Variants in RELN observed in about 807,000 individuals in gnomAD.
The protein encoded by RELN is reelin.
Under a neutral mutation model 427.6 loss-of-function variants are expected in RELN, and 108 were observed. The ratio of observed to expected loss-of-function variants is 0.25; its 90% CI spans 0.22 to 0.30. The LOEUF (loss-of-function observed/expected upper bound fraction) is 0.30, where lower values mean the gene tolerates loss of function less well. Ranked by LOEUF, RELN falls within the 10% of genes least tolerant of loss-of-function variation. The probability of loss-of-function intolerance (pLI) is 1.00; values close to 1 mark genes in which losing one functional copy is unlikely to be tolerated. For synonymous variants in RELN, 1,524 were observed against 1,513.4 expected, an observed-to-expected ratio of 1.01 and a Z score of -0.16; for missense variants, 3,715 against 4,302.8, an observed-to-expected ratio of 0.86 and a Z score of 3.82.
At chr7:103,656,339 G>C (rs1308232164) in intron 12 of RELN, among the ~76,000 whole-genome samples, 2 of 152,072 alleles carry the variant, frequency 1.3e-5, no homozygotes, top group African/African-American at 4.8e-5. Context: ...AGCAACCCAG[G>C]AAGTTGGCTT....
chr7:103,828,408 T>C (rs2382698), intron 3 of RELN, among the ~76,000 whole-genome samples: 57,941 of 151,564 alleles, frequency 0.38, 11,372 homozygotes, highest in Non-Finnish European at 0.42. Flanking sequence ...GAGTGATCCT[T>C]CTTGCTGACC....
At chr7:103,759,975 G>C (rs1032688969) in intron 4 of RELN, among the ~76,000 whole-genome samples, 3 of 138,480 alleles carry the variant, frequency 2.2e-5, no homozygotes, top group Non-Finnish European at 4.6e-5. Flanking sequence ...TCGGTCATTG[G>C]TGCTCACAGT....
intron 8 of RELN, among the ~76,000 whole-genome samples, chr7:103,718,350 A>AAAAAACAAAAAAAAAAAAAAAAAAG (rs1562969981): frequency 6.8e-6 from 1 of 146,918 alleles, no homozygotes. Flanking sequence ...AAAAAAAAAA[A>AAAAAACAAAAAAAAAAAAAAAAAAG]TTAAACACAC....
rs149229843 is a variant in RELN, at chr7:103,618,343, A to G, written c.2703-6540T>C. On this transcript the variant is annotated intron_variant, in intron 20 of 64. Transcript: ENST00000428762. Reference sequence around the variant, plus strand: ...ACCCTCCCATGGGCTTCTCCCTCTGATAGCACCACCTGTTACTCGTCTCTA... The same window carrying G: ...ACCCTCCCATGGGCTTCTCCCTCTGGTAGCACCACCTGTTACTCGTCTCTA... 6.9e-3 allele frequency among the ~76,000 whole-genome samples: 1,049 copies of G among 152,306 alleles called. 9 individuals are homozygous for G. The highest frequency in any genetic ancestry group is 0.023 in the African/African-American group (969 of 41,572).
At chr7:103,777,916 AT>A (rs1791787219) in intron 3 of RELN, among the ~76,000 whole-genome samples, 1 of 45,292 alleles carries the variant, frequency 2.2e-5, no homozygotes. Flanking sequence ...CACACACACA[AT>A]GGCACAATAG....
Position 103,749,421 on chromosome 7 carries a change from C to G in RELN, c.656+5G>C. 1 of 1,609,160 alleles carries G rather than the reference C, an allele frequency of 6.2e-7. No homozygotes were observed. Among genetic ancestry groups the G allele is most frequent in the Non-Finnish European group, 8.5e-7 (1 of 1,175,638 alleles). Reference sequence around the variant, plus strand: ...ACCAAAGTGAGGAATGTTCCTGTAACTTACCATATATTTGGATTTAATTGC... The same window carrying G: ...ACCAAAGTGAGGAATGTTCCTGTAAGTTACCATATATTTGGATTTAATTGC... On this transcript the variant is annotated splice_donor_5th_base_variant and intron_variant, in intron 6 of 64. Transcript: ENST00000428762.
chr7:103,913,406 G>A (rs1460815138), intron 2 of RELN, among the ~76,000 whole-genome samples: 1 of 152,072 alleles, frequency 6.6e-6, no homozygotes, highest in Non-Finnish European at 1.5e-5. Context: ...GTGATATGTT[G>A]GGGAAATGCC....
At chr7:103,474,401 C>T (rs1298668862) in intron 64 of RELN, among the ~76,000 whole-genome samples, 19 of 151,942 alleles carry the variant, frequency 1.3e-4, no homozygotes, top group Admixed American at 1.2e-3. Flanking sequence ...AAGAATATAT[C>T]CTGAAGACAT....
chr7:103,741,084 A>G (rs1409731645), intron 6 of RELN, among the ~76,000 whole-genome samples: 1 of 152,212 alleles, frequency 6.6e-6, no homozygotes, highest in East Asian at 1.9e-4. Context: ...TCTGGGGTAA[A>G]GAGAATCAAA....
At chr7:103,758,498 C>T (rs1307963239) in intron 4 of RELN, among the ~76,000 whole-genome samples, 1 of 151,602 alleles carries the variant, frequency 6.6e-6, no homozygotes, top group African/African-American at 2.4e-5. Flanking sequence ...AGAATGAAAG[C>T]CTAGCCTACT....
chr7:103,531,166 C>T (rs1295808964), intron 46 of RELN, among the ~76,000 whole-genome samples: 1 of 152,162 alleles, frequency 6.6e-6, no homozygotes, highest in African/African-American at 2.4e-5. Context: ...CTTCCATGCA[C>T]ATTTATGAGA....
In RELN at chr7:103,801,384, T is replaced by C. The variant is rs561380014; in HGVS notation, c.474-24757A>G. Among the ~76,000 whole-genome samples, 30 of 152,306 alleles carry C rather than the reference T, an allele frequency of 2.0e-4. 1 individual carries two copies. The highest frequency in any genetic ancestry group is 1.2e-3 in the Admixed American group (19 of 15,286). Reference sequence around the variant, plus strand: ...AAGAAAATGTGGCACATATACACCATGGAATACTATGCAGACATAAAAAGG... The same window carrying C: ...AAGAAAATGTGGCACATATACACCACGGAATACTATGCAGACATAAAAAGG... On this transcript the variant is annotated intron_variant, in intron 3 of 64. Transcript: ENST00000428762.
At chr7:103,762,116 G>A (rs11974819) in intron 4 of RELN, among the ~76,000 whole-genome samples, 26,458 of 152,108 alleles carry the variant, frequency 0.17, 2,484 homozygotes, top group East Asian at 0.31. Context: ...CTGCCCATAT[G>A]AGGTGAGCAG....
intron 2 of RELN, among the ~76,000 whole-genome samples, chr7:103,888,750 C>A (rs1794779582): frequency 6.6e-6 from 1 of 152,106 alleles, no homozygotes; most frequent in Admixed American, 6.5e-5. Flanking sequence ...AGGCCTGCAC[C>A]AAAGCAGAAG....
rs114884213 is a variant in RELN at position 103,718,483 on chromosome 7, A to C, written c.805+4657T>G. Among the ~76,000 whole-genome samples, 1,464 of 152,292 alleles carry C rather than the reference A, an allele frequency of 9.6e-3. 26 individuals carry two copies. The highest frequency in any genetic ancestry group is 0.033 in the African/African-American group (1,381 of 41,544). On this transcript the variant is annotated intron_variant, in intron 8 of 64. Coordinates refer to ENST00000428762, the MANE Select transcript of RELN (RefSeq NM_005045.4). ...TTAGCTCAGTAATTACGTACTGATA[A>C]ACACTTGCATATGTATTTCTGTCTA...
chr7:103,777,710 CCCTT>C (rs1791780112), intron 3 of RELN, among the ~76,000 whole-genome samples: 1 of 152,144 alleles, frequency 6.6e-6, no homozygotes, highest in South Asian at 2.1e-4. Flanking sequence ...CCTTTCCCCT[CCCTT>C]CTGCAGACCT....
intron 5 of RELN, among the ~76,000 whole-genome samples, chr7:103,752,283 T>G (rs572223258): frequency 6.6e-6 from 1 of 152,300 alleles, no homozygotes; most frequent in Non-Finnish European, 1.5e-5. Context: ...ACCCAGGCAG[T>G]TTCCCAGAAT....
chr7:103,695,989 A>G (rs1465452600), intron 10 of RELN, among the ~76,000 whole-genome samples: 2 of 152,160 alleles, frequency 1.3e-5, no homozygotes, highest in Non-Finnish European at 2.9e-5. Flanking sequence ...CAACATGACT[A>G]GGGTTTGACT....
intron 12 of RELN, among the ~76,000 whole-genome samples, chr7:103,659,102 T>A (rs535061282): frequency 2.4e-4 from 36 of 152,010 alleles, no homozygotes; most frequent in Non-Finnish European, 4.3e-4. Flanking sequence ...GAATTCTGAA[T>A]AGAATTTCTC....
Sources: gnomAD v4.1 joint callset for allele counts (sites outside exome capture counted in the v4.1 genomes callset) on GRCh38, gnomAD v4.1.1 for gene constraint, MANE v1.5 for transcripts, NCBI Gene and HGNC (gene_info 2026-07-23, HGNC 2026-07-21) for gene names.